MAF: variants seen among roughly 807,000 people sequenced by gnomAD.
The protein encoded by MAF is MAF bZIP transcription factor.
In MAF, 10 loss-of-function variants were observed where a neutral mutation model predicts 22.0. That is an observed-to-expected ratio of 0.45 (90% CI 0.28 to 0.77). MAF has a LOEUF of 0.77. Ranked by LOEUF, MAF falls within the 30% of genes least tolerant of loss-of-function variation. The pLI is 0.12. For synonymous variants in MAF, 337 were observed against 255.8 expected, an observed-to-expected ratio of 1.32 and a Z score of -3.03; for missense variants, 544 against 548.4, an observed-to-expected ratio of 0.99 and a Z score of 0.08.
chr16:79,316,406 C>G, the MAF span, among the ~76,000 whole-genome samples: 37 of 152,298 alleles, frequency 2.4e-4, no homozygotes, highest in African/African-American at 6.7e-4. Context: ...ACTGGTAAAA[C>G]CTTTCTGCCT....
the MAF span, among the ~76,000 whole-genome samples, chr16:79,572,381 C>G: frequency 0.058 from 8,837 of 152,242 alleles, 323 homozygotes; most frequent in Middle Eastern, 0.11. Context: ...TCCCCCAACA[C>G]TTTTGGCTGT....
chr16:79,366,105 T>C, the MAF span, among the ~76,000 whole-genome samples: 2 of 152,252 alleles, frequency 1.3e-5, no homozygotes, highest in Non-Finnish European at 2.9e-5. Flanking sequence ...ATATTTGTTT[T>C]TCTGTTGCTA....
chr16:79,251,754 G>A, the MAF span, among the ~76,000 whole-genome samples: 8 of 152,208 alleles, frequency 5.3e-5, no homozygotes, highest in African/African-American at 1.9e-4. Flanking sequence ...CCAACGCTGG[G>A]GGCCTGGGCT....
the MAF span, among the ~76,000 whole-genome samples, chr16:79,311,438 T>C: frequency 6.6e-6 from 1 of 151,728 alleles, no homozygotes; most frequent in Non-Finnish European, 1.5e-5. Flanking sequence ...ATGTGCATGA[T>C]TTACTGTGCA....
chr16:79,550,420 G>C, the MAF span, among the ~76,000 whole-genome samples: 1 of 152,068 alleles, frequency 6.6e-6, no homozygotes, highest in Admixed American at 6.6e-5. Context: ...TGCAAAATGG[G>C]TCAAGTCAGC....
At chr16:79,421,548 C>T in the MAF span, among the ~76,000 whole-genome samples, 3 of 152,090 alleles carry the variant, frequency 2.0e-5, no homozygotes, top group East Asian at 1.9e-4. Flanking sequence ...TTTTACAGAT[C>T]GGAAGACAGA....
the MAF span, among the ~76,000 whole-genome samples, chr16:79,366,868 G>C: frequency 6.6e-6 from 1 of 152,174 alleles, no homozygotes; most frequent in Non-Finnish European, 1.5e-5. Context: ...ACAGACTCTG[G>C]CCATACAAAC....
the MAF span, among the ~76,000 whole-genome samples, chr16:79,408,949 T>C: frequency 1.9e-5 from 1 of 52,536 alleles, no homozygotes; most frequent in Non-Finnish European, 3.6e-5. Flanking sequence ...TATTTTTTAC[T>C]GCTTTTTTTT....
the MAF span, among the ~76,000 whole-genome samples, chr16:79,475,647 G>C: frequency 6.6e-6 from 1 of 152,024 alleles, no homozygotes; most frequent in Non-Finnish European, 1.5e-5. Flanking sequence ...GGGTTATGTG[G>C]GGCTCATTTC....
At chr16:79,215,238 G>A in the MAF span, among the ~76,000 whole-genome samples, 48 of 152,248 alleles carry the variant, frequency 3.2e-4, no homozygotes, top group Middle Eastern at 0.014. Context: ...ATTCTGGTAG[G>A]ATGCACCATC....
chr16:79,210,255 C>A, the MAF span, among the ~76,000 whole-genome samples: 1 of 152,342 alleles, frequency 6.6e-6, no homozygotes, highest in Admixed American at 6.5e-5. Context: ...ATGACAACAA[C>A]AAACCCAAGT....
the MAF span, among the ~76,000 whole-genome samples, chr16:79,367,866 TA>T: frequency 6.6e-6 from 1 of 152,234 alleles, no homozygotes; most frequent in South Asian, 2.1e-4. Context: ...GTCCTGTGCA[TA>T]ACCAGATTCT....
chr16:79,212,108 T>G, the MAF span: 3 of 1,535,994 alleles, frequency 2.0e-6, no homozygotes, highest in Non-Finnish European at 2.6e-6. Context: ...GCAATTCTCT[T>G]TCTTTTACTG....
chr16:79,365,614 C>T, the MAF span, among the ~76,000 whole-genome samples: 1 of 151,810 alleles, frequency 6.6e-6, no homozygotes, highest in African/African-American at 2.4e-5. Flanking sequence ...GTGTAGGGGT[C>T]TGTGACCTGG....
the MAF span, among the ~76,000 whole-genome samples, chr16:79,556,728 T>A: frequency 6.6e-6 from 1 of 152,172 alleles, no homozygotes; most frequent in Non-Finnish European, 1.5e-5. Context: ...AATTAGATAA[T>A]CTCTTGGGTA....
chr16:79,515,900 G>T, the MAF span: 1 of 151,822 alleles, frequency 6.6e-6, no homozygotes, highest in African/African-American at 2.4e-5. Context: ...GTGACAATGG[G>T]CATAGCCCCT....
the MAF span, among the ~76,000 whole-genome samples, chr16:79,291,414 C>T: frequency 6.6e-6 from 1 of 152,164 alleles, no homozygotes; most frequent in Non-Finnish European, 1.5e-5. Context: ...CTGCCCAGAT[C>T]TCCTGCTTTT....
chr16:79,514,831 T>A, the MAF span, among the ~76,000 whole-genome samples: 1 of 152,178 alleles, frequency 6.6e-6, no homozygotes, highest in African/African-American at 2.4e-5. Flanking sequence ...GATAAAAGTA[T>A]GTTTGGTGTA....
At chr16:79,253,000 G>A in the MAF span, among the ~76,000 whole-genome samples, 974 of 152,218 alleles carry the variant, frequency 6.4e-3, 3 homozygotes, top group Admixed American at 0.015. Flanking sequence ...AGAAATTCAC[G>A]CTTAAATAAA....
Sources: allele counts gnomAD v4.1 joint callset (sites outside exome capture counted in the v4.1 genomes callset), GRCh38; gene constraint gnomAD v4.1.1; transcripts MANE v1.5; gene names NCBI Gene and HGNC (gene_info 2026-07-23, HGNC 2026-07-21).